Variants in GRID2 observed in about 807,000 individuals in gnomAD.
GRID2 encodes glutamate ionotropic receptor delta type subunit 2, also known as glutamate receptor ionotropic, delta-2.
Under a neutral mutation model 114.8 loss-of-function variants are expected in GRID2, and 33 were observed. The observed-to-expected ratio is 0.29, with a 90% CI of 0.22 to 0.38. The LOEUF is 0.38. GRID2 is among the 10% of genes least tolerant of loss of function. The probability of loss-of-function intolerance (pLI) is 1.00; values close to 1 mark genes in which losing one functional copy is unlikely to be tolerated. For missense variants in GRID2, 1,184 were observed against 1,257.7 expected (o/e 0.94, Z 0.89); for synonymous variants, 505 against 449.9 (o/e 1.12, Z -1.55).
intron 2 of GRID2, among the ~76,000 whole-genome samples, chr4:92,914,668 G>A (rs975689013): frequency 7.2e-5 from 11 of 152,072 alleles, no homozygotes; most frequent in East Asian, 1.9e-4. Flanking sequence ...TGAACATGCA[G>A]TATTTGATTT....
chr4:92,393,193 A>G (rs1305328159), intron 1 of GRID2, among the ~76,000 whole-genome samples: 1 of 152,152 alleles, frequency 6.6e-6, no homozygotes, highest in Non-Finnish European at 1.5e-5. Context: ...AGGTAGGACC[A>G]ATCCATGAGG....
chr4:92,656,068 T>A (rs1412024745), intron 2 of GRID2, among the ~76,000 whole-genome samples: 1 of 151,774 alleles, frequency 6.6e-6, no homozygotes, highest in Admixed American at 6.6e-5. Flanking sequence ...GAACATTTTA[T>A]CTTGCAGAGT....
chr4:93,208,596 T>G (rs1743088211), intron 5 of GRID2, among the ~76,000 whole-genome samples: 1 of 151,996 alleles, frequency 6.6e-6, no homozygotes, highest in South Asian at 2.1e-4. Context: ...TTTCCTCTTT[T>G]TACACAGAAA....
intron 7 of GRID2, among the ~76,000 whole-genome samples, chr4:93,234,725 A>T (rs1446567548): frequency 6.8e-6 from 1 of 146,390 alleles, no homozygotes; most frequent in Non-Finnish European, 1.5e-5. Context: ...AAAATGTGGT[A>T]TTTTTCTGGT....
intron 2 of GRID2, among the ~76,000 whole-genome samples, chr4:92,910,745 G>A (rs1205622036): frequency 1.3e-5 from 2 of 152,002 alleles, no homozygotes; most frequent in Non-Finnish European, 2.9e-5. Flanking sequence ...TGTGGCACTT[G>A]CATATAACCT....
At chr4:92,735,768 T>G (rs1215931183) in intron 2 of GRID2, among the ~76,000 whole-genome samples, 1 of 152,086 alleles carries the variant, frequency 6.6e-6, no homozygotes, top group African/African-American at 2.4e-5. Flanking sequence ...TCATAAGATC[T>G]CTTTCAGGTG....
At chr4:93,049,585 C>A (rs1478861872) in intron 2 of GRID2, among the ~76,000 whole-genome samples, 1 of 151,452 alleles carries the variant, frequency 6.6e-6, no homozygotes, top group Non-Finnish European at 1.5e-5. Flanking sequence ...AAGTTTCCAG[C>A]AGAATAAAAT....
At chr4:92,706,340 GTTTT>G (rs963165487) in intron 2 of GRID2, among the ~76,000 whole-genome samples, 1 of 152,086 alleles carries the variant, frequency 6.6e-6, no homozygotes, top group African/African-American at 2.4e-5. Flanking sequence ...TATTTTTAAA[GTTTT>G]TTATTTAAGC....
At chr4:92,794,289 C>A (rs1739744514) in intron 2 of GRID2, among the ~76,000 whole-genome samples, 1 of 151,718 alleles carries the variant, frequency 6.6e-6, no homozygotes, top group African/African-American at 2.4e-5. Flanking sequence ...GAAACATAGG[C>A]AACTCATATT....
At chr4:93,031,636 C>T (rs974680749) in intron 2 of GRID2, among the ~76,000 whole-genome samples, 4 of 152,026 alleles carry the variant, frequency 2.6e-5, no homozygotes, top group African/African-American at 9.7e-5. Flanking sequence ...GGGAATTTCC[C>T]CACACAAATT....
chr4:92,675,864 T>C (rs571485062), intron 2 of GRID2, among the ~76,000 whole-genome samples: 25 of 151,854 alleles, frequency 1.6e-4, no homozygotes, highest in African/African-American at 6.0e-4. Flanking sequence ...TGAGCTACCA[T>C]TTTTTTAGTG....
chr4:93,243,105 A>G (rs1487329035), intron 8 of GRID2, among the ~76,000 whole-genome samples: 3 of 151,924 alleles, frequency 2.0e-5, no homozygotes, highest in Non-Finnish European at 4.4e-5. Context: ...TTGACACTTG[A>G]AATTTTTTTT....
intron 4 of GRID2, among the ~76,000 whole-genome samples, chr4:93,177,356 T>C (rs1739445137): frequency 6.6e-6 from 1 of 152,150 alleles, no homozygotes; most frequent in Non-Finnish European, 1.5e-5. Context: ...GCTTTTAGCC[T>C]TTTCATGCCA....
intron 3 of GRID2, among the ~76,000 whole-genome samples, chr4:93,105,663 C>T (rs1217665299): frequency 2.6e-5 from 4 of 152,068 alleles, no homozygotes; most frequent in African/African-American, 9.7e-5. Flanking sequence ...AGAAACAACC[C>T]ACCTTTCTTC....
At chr4:93,709,258 CT>C (rs1378490741) in intron 14 of GRID2, among the ~76,000 whole-genome samples, 1 of 152,106 alleles carries the variant, frequency 6.6e-6, no homozygotes, top group Non-Finnish European at 1.5e-5. Context: ...CCTTTAGCAT[CT>C]CTTGTAGGAC....
chr4:93,212,929 C>T (rs1038288314), intron 5 of GRID2, among the ~76,000 whole-genome samples: 6 of 151,870 alleles, frequency 4.0e-5, no homozygotes, highest in Non-Finnish European at 7.4e-5. Context: ...TGTGCCACCA[C>T]GCCTGGCTAA....
intron 2 of GRID2, among the ~76,000 whole-genome samples, chr4:92,946,766 G>C (rs1751666577): frequency 6.6e-6 from 1 of 152,074 alleles, no homozygotes; most frequent in South Asian, 2.1e-4. Flanking sequence ...ATCGTTCAAA[G>C]TCACCTGAAG....
At chr4:92,382,888 C>G (rs1428039526) in intron 1 of GRID2, among the ~76,000 whole-genome samples, 1 of 151,752 alleles carries the variant, frequency 6.6e-6, no homozygotes, top group Non-Finnish European at 1.5e-5. Flanking sequence ...AAAGAAATAC[C>G]TGAGACTGGG....
chr4:93,792,461 G>T (rs1175064499), intron 1 of GRID2, among the ~76,000 whole-genome samples: 1 of 152,092 alleles, frequency 6.6e-6, no homozygotes, highest in Non-Finnish European at 1.5e-5. Context: ...ACTGAAAACT[G>T]AGTTAGGCCA....
Sources: gnomAD v4.1 joint callset for allele counts (sites outside exome capture counted in the v4.1 genomes callset) on GRCh38, gnomAD v4.1.1 for gene constraint, MANE v1.5 for transcripts, NCBI Gene and HGNC (gene_info 2026-07-23, HGNC 2026-07-21) for gene names.